The following RCHY1 variants were observed in gnomAD, a reference collection of about 807,000 sequenced individuals.
RCHY1 encodes ring finger and CHY zinc finger domain containing 1.
Under a neutral mutation model 41.6 loss-of-function variants are expected in RCHY1, and 21 were observed. The ratio of observed to expected loss-of-function variants is 0.51; its 90% confidence interval spans 0.36 to 0.73. The LOEUF is 0.73. Among genes scored for constraint, RCHY1 ranks in the 30% least tolerant of loss-of-function variants. The pLI is 0.00. For missense variants in RCHY1, 265 were observed against 325.3 expected, an observed-to-expected ratio of 0.81 and a Z score of 1.43; for synonymous variants, 79 against 102.9, an observed-to-expected ratio of 0.77 and a Z score of 1.41.
chr4:75,494,728 G>A (rs1723030436), intron 3 of RCHY1, among the ~76,000 whole-genome samples: 1 of 151,726 alleles, frequency 6.6e-6, no homozygotes, highest in Non-Finnish European at 1.5e-5. Flanking sequence ...TGAAACTACT[G>A]AGTCAGAAGA....
At position 75,479,139 on chromosome 4, in the gene RCHY1, GTT is replaced by G. The variant is rs764560495; in HGVS notation, c.*3397_*3398del. On this transcript the variant is annotated 3_prime_UTR_variant, in exon 9 of 9. Coordinates refer to ENST00000324439, the MANE Select transcript of RCHY1 (RefSeq NM_015436.4). ...AAATATTAAGAGTAGATTTTAAGTG[GTT>G]TTTTTACCACAAAAAATGGTATGAG... 6.6e-6 allele frequency: 1 copy of G among 151,772 alleles called. No individual in the cohort carries two copies. Among genetic ancestry groups the G allele is most frequent in the African/African-American group, 2.4e-5 (1 of 41,322 alleles). 9.4% of individuals were successfully genotyped at this position (151,772 alleles called of 1,614,324 possible).
At chr4:75,501,766 T>A (rs564464491) in intron 3 of RCHY1, among the ~76,000 whole-genome samples, 5 of 152,254 alleles carry the variant, frequency 3.3e-5, no homozygotes, top group Non-Finnish European at 7.3e-5. Context: ...ATATTTGCAC[T>A]GTACAATTAA....
intron 8 of RCHY1, among the ~76,000 whole-genome samples, chr4:75,488,849 G>A (rs1722482640): frequency 6.6e-6 from 1 of 152,082 alleles, no homozygotes; most frequent in African/African-American, 2.4e-5. Flanking sequence ...GACCGAGGCG[G>A]GTGGATCACG....
At chr4:75,492,918 G>T (rs1722879683) in intron 4 of RCHY1, among the ~76,000 whole-genome samples, 1 of 151,866 alleles carries the variant, frequency 6.6e-6, no homozygotes, top group Admixed American at 6.6e-5. Flanking sequence ...TATTTCATTT[G>T]ATTCTAAAGT....
intron 8 of RCHY1, among the ~76,000 whole-genome samples, chr4:75,484,899 G>A (rs1721854249): frequency 6.6e-6 from 1 of 151,834 alleles, no homozygotes; most frequent in Non-Finnish European, 1.5e-5. Context: ...ATTTGAAAAT[G>A]AGGGCTCCCA....
chr4:75,483,819 A>G (rs1721747973), intron 8 of RCHY1, among the ~76,000 whole-genome samples: 1 of 152,170 alleles, frequency 6.6e-6, no homozygotes. Flanking sequence ...GAAGTATCTG[A>G]AGATGTTCAG....
In RCHY1 at chr4:75,479,087, TAATA is replaced by T. The variant is rs767828872; in HGVS notation, c.*3447_*3450del. ...GATCTATTACACAGAATGGTGAGTA[TAATA>T]AATAATGCATTGTACATTTCAAAAA... On this transcript the variant is annotated 3_prime_UTR_variant, in exon 9 of 9. Transcript: ENST00000324439. 1.3e-5 allele frequency: 2 copies of T among 152,094 alleles called. No individual in the cohort carries two copies. The highest frequency in any genetic ancestry group is 2.9e-5 in the Non-Finnish European group (2 of 67,988). The allele number at this position is 152,094 out of a possible 1,614,324, so 9.4% of individuals were successfully genotyped here. A position where few individuals can be genotyped will look rare whatever the true frequency, so the allele number is the denominator to read the frequency against.
At chr4:75,502,368 G>T (rs977776873) in intron 3 of RCHY1, among the ~76,000 whole-genome samples, 1 of 151,602 alleles carries the variant, frequency 6.6e-6, no homozygotes, top group Non-Finnish European at 1.5e-5. Context: ...GTGAAACCCC[G>T]TCTCTACTAA....
At chr4:75,497,296 A>C (rs1225196074) in intron 3 of RCHY1, among the ~76,000 whole-genome samples, 1 of 152,174 alleles carries the variant, frequency 6.6e-6, no homozygotes, top group Non-Finnish European at 1.5e-5. Flanking sequence ...TGCTGTACAT[A>C]GTTAACTGTA....
chr4:75,483,230 C>A (rs1179952470), intron 8 of RCHY1, among the ~76,000 whole-genome samples: 3 of 152,146 alleles, frequency 2.0e-5, no homozygotes, highest in Non-Finnish European at 4.4e-5. Flanking sequence ...GAATTAATTT[C>A]TTCTAGTGCT....
chr4:75,482,005 A>C lies in RCHY1; in HGVS notation c.*533T>G, dbSNP rs1721560094. The C allele has an allele frequency of 1.3e-5, 1 of 79,338 alleles. No individual in the cohort carries two copies. The highest frequency in any genetic ancestry group is 2.3e-5 in the Non-Finnish European group (1 of 43,404). 4.9% of individuals were successfully genotyped at this position (79,338 alleles called of 1,614,324 possible). ...AACTTTGGAAAAAACTTTCTATAAA[A>C]CAGTTTCAATATAATTTTATTAGCA... On this transcript the variant is annotated 3_prime_UTR_variant, in exon 9 of 9. Coordinates refer to ENST00000324439, the MANE Select transcript of RCHY1 (RefSeq NM_015436.4).
At chr4:75,494,276 A>C in intron 3 of RCHY1, 97 bp from the exon 4 acceptor site, 1 of 831,890 alleles carries the variant, frequency 1.2e-6, no homozygotes, top group Non-Finnish European at 1.9e-6. Flanking sequence ...CTGTAAAAAA[A>C]ATTTCCAGCC....
rs1435849241 is a variant in RCHY1 at position 75,494,159 on chromosome 4, A to G, written c.347T>C (p.Phe116Ser). The part of the protein sequence containing the change: ...GICRIGPKED[F>S]FHCLKCNLCL... ...TAAGTTACATTTCAAACAATGGAAAAAATCTTCCTTTGGACCAATCCTAGC... is the reference window on the plus strand; with the variant it reads ...TAAGTTACATTTCAAACAATGGAAAGAATCTTCCTTTGGACCAATCCTAGC... The change falls in exon 4 of 9, where the codon TTT (phenylalanine) becomes TCT (serine). Residue 116 changes from phenylalanine to serine, a missense_variant. Transcript: ENST00000324439. 1 of 1,568,190 alleles carries G rather than the reference A, an allele frequency of 6.4e-7. No homozygotes were observed. The highest frequency in any genetic ancestry group is 8.6e-7 in the Non-Finnish European group (1 of 1,163,256).
chr4:75,511,657 C>T lies in RCHY1; in HGVS notation c.91-2361G>A, dbSNP rs78667157. On this transcript the variant is annotated intron_variant, in intron 1 of 8. Transcript: ENST00000324439. The stretch of plus-strand genomic sequence containing the variant: ...AGGGTTGAGATTTGGTTAAAATTAA[C>T]GATTTTACTGCTTTATCAACATTTT... Among the ~76,000 whole-genome samples, 643 of 152,042 alleles carry T rather than the reference C, an allele frequency of 4.2e-3. 4 individuals are homozygous for T. Among genetic ancestry groups the T allele is most frequent in the African/African-American group, 0.015 (616 of 41,496 alleles).
intron 3 of RCHY1, among the ~76,000 whole-genome samples, chr4:75,502,784 A>C (rs1284266789): frequency 6.6e-6 from 1 of 152,204 alleles, no homozygotes; most frequent in Non-Finnish European, 1.5e-5. Context: ...AGCATGGTAG[A>C]AAGACCTTTC....
rs1724629773 is a variant in RCHY1, at chr4:75,509,196, T to C, written c.191A>G (p.Asn64Ser). 1 of 1,612,616 alleles carries C rather than the reference T, an allele frequency of 6.2e-7. No individual in the cohort carries two copies. ...RFKVKEVQCI[N>S]CEKIQHAQQT... Reference sequence around the variant, plus strand: ...TCTTACATGTTGAATTTTTTCACAGTTTATGCACTGCACTTCCTTCACTTT... The same window carrying C: ...TCTTACATGTTGAATTTTTTCACAGCTTATGCACTGCACTTCCTTCACTTT... Residue 64 changes from asparagine to serine, a missense_variant, in exon 2 of 9, where the codon AAC (asparagine) becomes AGC (serine). Coordinates refer to ENST00000324439, the MANE Select transcript of RCHY1 (RefSeq NM_015436.4).
chr4:75,502,846 C>T (rs1445590619), intron 3 of RCHY1, among the ~76,000 whole-genome samples: 3 of 152,070 alleles, frequency 2.0e-5, no homozygotes, highest in African/African-American at 7.2e-5. Context: ...CATAATCCTT[C>T]GGTTTTCTTT....
chr4:75,509,025 G>A, intron 2 of RCHY1, 90 bp from the exon 3 acceptor site: 1 of 1,166,780 alleles, frequency 8.6e-7, no homozygotes, highest in Non-Finnish European at 1.2e-6. Context: ...ACTATATGCA[G>A]TTTATTTTTA....
chr4:75,506,881 G>A (rs1245106429), intron 3 of RCHY1, among the ~76,000 whole-genome samples: 1 of 152,072 alleles, frequency 6.6e-6, no homozygotes, highest in Non-Finnish European at 1.5e-5. Flanking sequence ...TTAAAAAACA[G>A]CGAGAGGAGG....
Sources: allele counts gnomAD v4.1 joint callset (sites outside exome capture counted in the v4.1 genomes callset), GRCh38; gene constraint gnomAD v4.1.1; transcripts MANE v1.5; gene names NCBI Gene and HGNC (gene_info 2026-07-23, HGNC 2026-07-21).